LUZP2: variants seen among roughly 807,000 people sequenced by gnomAD.
The protein encoded by LUZP2 is leucine zipper protein 2.
LUZP2 carries 52 observed loss-of-function variants against 51.6 expected under a neutral mutation model. That is an observed-to-expected ratio of 1.01 (90% confidence interval 0.81 to 1.27). The LOEUF is 1.27. LUZP2 is among the 50% of genes most tolerant of loss of function. The probability of loss-of-function intolerance (pLI) is 0.00; values close to 1 mark genes in which losing one functional copy is unlikely to be tolerated. For synonymous variants in LUZP2, 154 were observed against 137.3 expected, an observed-to-expected ratio of 1.12 and a Z score of -0.85; for missense variants, 436 against 395.4, an observed-to-expected ratio of 1.10 and a Z score of -0.87.
At chr11:25,006,885 C>G (rs567623413) in intron 9 of LUZP2, among the ~76,000 whole-genome samples, 1 of 152,120 alleles carries the variant, frequency 6.6e-6, no homozygotes, top group Non-Finnish European at 1.5e-5. Flanking sequence ...GCTTCCACAG[C>G]GTGGAAAGGG....
chr11:25,018,527 G>T (rs549137029), intron 9 of LUZP2, among the ~76,000 whole-genome samples: 1 of 150,552 alleles, frequency 6.6e-6, no homozygotes, highest in African/African-American at 2.4e-5. Flanking sequence ...TTTATTCAAT[G>T]CATATTAGCA....
At chr11:25,015,392 AC>A (rs1857120571) in intron 9 of LUZP2, among the ~76,000 whole-genome samples, 1 of 152,084 alleles carries the variant, frequency 6.6e-6, no homozygotes, top group Non-Finnish European at 1.5e-5. Context: ...CAAACTACAG[AC>A]CCTATTTGGG....
intron 5 of LUZP2, among the ~76,000 whole-genome samples, chr11:24,843,223 A>G (rs1851089760): frequency 6.6e-6 from 1 of 152,114 alleles, no homozygotes; most frequent in African/African-American, 2.4e-5. Flanking sequence ...CAGAGTTATT[A>G]GTTAGAATGT....
chr11:24,550,240 T>C (rs1158508403), intron 1 of LUZP2, among the ~76,000 whole-genome samples: 1 of 152,104 alleles, frequency 6.6e-6, no homozygotes, highest in Non-Finnish European at 1.5e-5. Context: ...ACCTACCACA[T>C]TTATGTATTA....
At chr11:24,876,687 G>A (rs1192378016) in intron 5 of LUZP2, among the ~76,000 whole-genome samples, 2 of 152,032 alleles carry the variant, frequency 1.3e-5, no homozygotes, top group South Asian at 2.1e-4. Flanking sequence ...ATTACCTTGG[G>A]CAGTATGGCC....
chr11:24,763,013 TA>T (rs11414450), intron 4 of LUZP2: 2,676 of 748,066 alleles, frequency 3.6e-3, no homozygotes, highest in Middle Eastern at 4.8e-3. Context: ...TTTCTCAATT[TA>T]AAAAAAAAAT....
At chr11:24,876,849 C>T (rs1044094043) in intron 5 of LUZP2, among the ~76,000 whole-genome samples, 7 of 152,024 alleles carry the variant, frequency 4.6e-5, no homozygotes, top group South Asian at 2.1e-4. Flanking sequence ...AGAACACAGA[C>T]ATAGAGATGA....
chr11:24,497,141 G>C lies in LUZP2; in HGVS notation c.-103G>C. On this transcript the variant is annotated 5_prime_UTR_variant, in exon 1 of 12. Coordinates refer to ENST00000336930, the MANE Select transcript of LUZP2 (RefSeq NM_001009909.4). ...CTCCGCCTTTCCGCCTCGGAAGAGCGCTCATCACTGGCTGGGGACAGAGCC... is the reference window on the plus strand; with the variant it reads ...CTCCGCCTTTCCGCCTCGGAAGAGCCCTCATCACTGGCTGGGGACAGAGCC... The C allele has an allele frequency of 9.5e-7, 1 of 1,056,008 alleles. No homozygotes were observed. The highest frequency in any genetic ancestry group is 1.3e-6 in the Non-Finnish European group (1 of 763,746). 65.4% of individuals were successfully genotyped at this position (1,056,008 alleles called of 1,614,324 possible).
intron 7 of LUZP2, among the ~76,000 whole-genome samples, chr11:24,936,237 A>AACTG (rs1468848460): frequency 6.6e-6 from 1 of 152,168 alleles, no homozygotes; most frequent in Non-Finnish European, 1.5e-5. Flanking sequence ...AAGTGGTATA[A>AACTG]ACTGGGAGTC....
At chr11:24,534,331 TAG>T (rs889852595) in intron 1 of LUZP2, among the ~76,000 whole-genome samples, 2 of 151,152 alleles carry the variant, frequency 1.3e-5, no homozygotes, top group African/African-American at 4.8e-5. Flanking sequence ...TATTTCCATA[TAG>T]AGAGAGAGCA....
intron 10 of LUZP2, among the ~76,000 whole-genome samples, chr11:25,053,148 G>C (rs1858573052): frequency 6.6e-6 from 1 of 152,088 alleles, no homozygotes; most frequent in Non-Finnish European, 1.5e-5. Flanking sequence ...GTTTCAAAGA[G>C]AGAGCCCCAG....
chr11:24,804,463 C>CA (rs1433030127), intron 5 of LUZP2, among the ~76,000 whole-genome samples: 2 of 152,112 alleles, frequency 1.3e-5, no homozygotes, highest in Non-Finnish European at 2.9e-5. Context: ...CAGGAGCCTT[C>CA]ATAAACAAAG....
At chr11:24,570,668 A>T (rs1017364538) in intron 1 of LUZP2, among the ~76,000 whole-genome samples, 3 of 152,192 alleles carry the variant, frequency 2.0e-5, no homozygotes, top group African/African-American at 4.8e-5. Context: ...AAACTTACAG[A>T]TGGAAGAATA....
chr11:24,920,277 A>T (rs535186468), intron 7 of LUZP2, among the ~76,000 whole-genome samples: 45 of 152,008 alleles, frequency 3.0e-4, no homozygotes, highest in Non-Finnish European at 6.3e-4. Context: ...GTTTGAAATA[A>T]AATAGTGGCT....
At chr11:24,803,428 A>G (rs1025167440) in intron 5 of LUZP2, among the ~76,000 whole-genome samples, 5 of 152,102 alleles carry the variant, frequency 3.3e-5, no homozygotes, top group African/African-American at 1.2e-4. Context: ...ATCCTTGCAC[A>G]CTCTAAAGTG....
chr11:24,916,706 T>C (rs1590725394), intron 7 of LUZP2, among the ~76,000 whole-genome samples: 1 of 152,336 alleles, frequency 6.6e-6, no homozygotes, highest in South Asian at 2.1e-4. Flanking sequence ...GGTGTATATG[T>C]GCCACATTTT....
chr11:24,747,874 G>T (rs550323482), intron 4 of LUZP2, among the ~76,000 whole-genome samples: 1 of 152,100 alleles, frequency 6.6e-6, no homozygotes, highest in Non-Finnish European at 1.5e-5. Context: ...CAGCTTCCAC[G>T]CAATCTGAAG....
At chr11:24,963,926 G>A (rs971290082) in intron 7 of LUZP2, among the ~76,000 whole-genome samples, 2 of 152,118 alleles carry the variant, frequency 1.3e-5, no homozygotes, top group Non-Finnish European at 2.9e-5. Context: ...CCTCCAGGTT[G>A]ATGTCTTAAA....
intron 9 of LUZP2, among the ~76,000 whole-genome samples, chr11:25,002,438 T>C (rs1048573265): frequency 4.6e-5 from 7 of 152,194 alleles, no homozygotes; most frequent in Non-Finnish European, 8.8e-5. Flanking sequence ...CATTGACATA[T>C]GTATTTGAAG....
Sources: allele counts gnomAD v4.1 joint callset (sites outside exome capture counted in the v4.1 genomes callset), GRCh38; gene constraint gnomAD v4.1.1; transcripts MANE v1.5; gene names NCBI Gene and HGNC (gene_info 2026-07-23, HGNC 2026-07-21).